Variants in ATP13A3 observed in about 807,000 individuals in gnomAD.
The protein encoded by ATP13A3 is polyamine-transporting ATPase 13A3.
In ATP13A3, 59 loss-of-function variants were observed where a neutral mutation model predicts 158.1. The ratio of observed to expected loss-of-function variants is 0.37; its 90% CI spans 0.30 to 0.46. ATP13A3 has a LOEUF of 0.46. Ranked by LOEUF, ATP13A3 falls within the 20% of genes least tolerant of loss-of-function variation. ATP13A3 has a pLI of 1.00. For missense variants in ATP13A3, 1,166 were observed against 1,525.2 expected, an observed-to-expected ratio of 0.76 and a Z score of 3.92; for synonymous variants, 491 against 504.3, an observed-to-expected ratio of 0.97 and a Z score of 0.35.
chr3:194,437,384 C>T lies in ATP13A3; in HGVS notation c.1926G>A (p.Leu642=). ...TGTAGGCGTCCATTTTCCTATCCCC[C>T]AGCACCCTGGCAACCACACTCATAC... ...LQRMSVVARV[L]GDRKMDAYMK... The change falls in exon 19 of 34, where the codon CTG becomes CTA. Residue 642 remains leucine, a synonymous_variant. Transcript: ENST00000645319. 1.2e-6 allele frequency: 2 copies of T among 1,614,198 alleles called. No homozygotes were observed. Among genetic ancestry groups the T allele is most frequent in the Non-Finnish European group, 1.7e-6 (2 of 1,180,032 alleles).
chr3:194,480,582 TCTC>T (rs1720710619), intron 2 of ATP13A3, among the ~76,000 whole-genome samples: 1 of 152,100 alleles, frequency 6.6e-6, no homozygotes, highest in Non-Finnish European at 1.5e-5. Flanking sequence ...GTACCAATAA[TCTC>T]CTAATATTCT....
chr3:194,482,179 C>A (rs1266735392), intron 2 of ATP13A3, among the ~76,000 whole-genome samples: 2 of 152,008 alleles, frequency 1.3e-5, no homozygotes, highest in East Asian at 3.8e-4. Context: ...TTTAAACTAT[C>A]ATAACAGTGA....
Position 194,448,674 on chromosome 3 carries a change from A to G in ATP13A3, c.971-38T>C. 1 of 1,580,478 alleles carries G rather than the reference A, an allele frequency of 6.3e-7. No individual in the cohort carries two copies. Among genetic ancestry groups the G allele is most frequent in the Non-Finnish European group, 8.6e-7 (1 of 1,164,098 alleles). ...ACAACAACAACAAAAACAGTTTACA[A>G]ATTATTAAACGAAAGCACAGGAATC... On this transcript the variant is annotated intron_variant, in intron 11 of 33. Transcript: ENST00000645319. This position sits in a 1 kb window ranked among gnomAD's most constrained non-coding sequence, Gnocchi z 4.0.
chr3:194,454,899 A>G (rs1719112906), intron 8 of ATP13A3, among the ~76,000 whole-genome samples: 1 of 152,200 alleles, frequency 6.6e-6, no homozygotes, highest in African/African-American at 2.4e-5. Context: ...TTGGCTAAAT[A>G]AGGTTAATTT....
intron 20 of ATP13A3, 92 bp downstream of exon 20, chr3:194,437,003 A>C: frequency 1.4e-6 from 2 of 1,404,466 alleles, no homozygotes; most frequent in Middle Eastern, 3.7e-4. Flanking sequence ...CATACATTCA[A>C]TAAATACTCA....
intron 16 of ATP13A3, 81 bp downstream of exon 16, chr3:194,441,230 G>A (rs1718031317): frequency 8.4e-7 from 1 of 1,196,824 alleles, no homozygotes. Context: ...ACAAAAAGCA[G>A]AAATAATCCT....
intron 31 of ATP13A3, among the ~76,000 whole-genome samples, chr3:194,417,153 A>C (rs1053494262): frequency 1.3e-5 from 2 of 152,196 alleles, no homozygotes; most frequent in Admixed American, 6.5e-5. Context: ...TTAAAAGTTA[A>C]GAAGAAAAGC....
At chr3:194,410,331 A>AAAAACC (rs869283016) in intron 33 of ATP13A3, among the ~76,000 whole-genome samples, 1 of 132,942 alleles carries the variant, frequency 7.5e-6, no homozygotes, top group African/African-American at 2.9e-5. Context: ...AAAAAAAAAA[A>AAAAACC]CTGCTGGGCC....
intron 2 of ATP13A3, among the ~76,000 whole-genome samples, chr3:194,473,910 A>G (rs1348169429): frequency 6.6e-6 from 1 of 152,194 alleles, no homozygotes; most frequent in African/African-American, 2.4e-5. Context: ...TGTCTAATAC[A>G]CTATTTTTAT....
At chr3:194,465,052 T>A (rs1321687891) in intron 2 of ATP13A3, among the ~76,000 whole-genome samples, 1 of 152,316 alleles carries the variant, frequency 6.6e-6, no homozygotes, top group African/African-American at 2.4e-5. Flanking sequence ...AAAGGGATCA[T>A]ATTTGCCCTT....
chr3:194,450,947 T>C (rs1718762671), intron 10 of ATP13A3: 1 of 152,224 alleles, frequency 6.6e-6, no homozygotes, highest in South Asian at 2.1e-4. Flanking sequence ...AAAATGAAAA[T>C]GAAAAGATCT....
chr3:194,454,698 A>G (rs59670007), intron 8 of ATP13A3, among the ~76,000 whole-genome samples: 2,913 of 152,148 alleles, frequency 0.019, 84 homozygotes, highest in African/African-American at 0.06. Context: ...GCATGGTGGC[A>G]GGCGCCTGTA....
intron 2 of ATP13A3, among the ~76,000 whole-genome samples, chr3:194,485,127 A>T (rs1482298204): frequency 6.6e-6 from 1 of 152,158 alleles, no homozygotes; most frequent in Non-Finnish European, 1.5e-5. Flanking sequence ...GACCAAAGCC[A>T]GGCATTGTTG....
At chr3:194,429,840 A>C in intron 26 of ATP13A3, 66 bp from the exon 27 acceptor site, 1 of 1,394,092 alleles carries the variant, frequency 7.2e-7, no homozygotes, top group South Asian at 1.2e-5. Flanking sequence ...CCAAACCACA[A>C]TTTTATCTTG....
Position 194,459,608 on chromosome 3 carries a change from TCTATTA to T in ATP13A3, c.409-73_409-68del, listed in dbSNP as rs1157754350. 2.3e-6 allele frequency: 3 copies of T among 1,300,168 alleles called. No individual in the cohort carries two copies. The African/African-American group carries it at 4.4e-5, about 19-fold the overall frequency. The allele number at this position is 1,300,168 out of a possible 1,614,324, so 80.5% of individuals were successfully genotyped here. On this transcript the variant is annotated intron_variant, in intron 5 of 33. Transcript: ENST00000645319. ...CACTTGTGATATGTAATCTGTTACTTCTATTAACAGCTATATATAGGATTATATATA... is the reference window on the plus strand; with the variant it reads ...CACTTGTGATATGTAATCTGTTACTTACAGCTATATATAGGATTATATATA...
intron 33 of ATP13A3, among the ~76,000 whole-genome samples, chr3:194,406,849 A>T (rs539205671): frequency 3.0e-4 from 45 of 152,340 alleles, no homozygotes; most frequent in Non-Finnish European, 7.3e-5. Context: ...ATCCTTACTA[A>T]TATAAAAAAC....
At chr3:194,463,274 AC>A (rs1190846018) in intron 2 of ATP13A3, among the ~76,000 whole-genome samples, 2 of 148,562 alleles carry the variant, frequency 1.3e-5, no homozygotes, top group Non-Finnish European at 3.0e-5. Context: ...CATTGAGCCC[AC>A]TGACATATTT....
At chr3:194,423,954 C>T (rs1277394990) in intron 30 of ATP13A3, among the ~76,000 whole-genome samples, 2 of 148,554 alleles carry the variant, frequency 1.3e-5, no homozygotes, top group Admixed American at 1.3e-4. Context: ...AAAAAAAAAG[C>T]AATGTTTTTT....
rs1015441430 is a variant in ATP13A3, at chr3:194,441,522, C to A, written c.1560-61G>T. ...TCTAAGATTCAAGATAATATTCTAA[C>A]AGGGCTTTTCTGGTTTTGTAATTAA... is the stretch of plus-strand genomic sequence containing the variant. On this transcript the variant is annotated intron_variant, in intron 15 of 33. Transcript: ENST00000645319. 9.1e-6 allele frequency: 13 copies of A among 1,435,356 alleles called. No individual in the cohort carries two copies. In the African/African-American group the frequency reaches 1.7e-4, roughly 19 times the overall value. The allele number at this position is 1,435,356 out of a possible 1,614,324, so 88.9% of individuals were successfully genotyped here. A position where few individuals can be genotyped will look rare whatever the true frequency, so the allele number is the denominator to read the frequency against.
Sources: gnomAD v4.1 joint callset for allele counts (sites outside exome capture counted in the v4.1 genomes callset) on GRCh38, gnomAD v4.1.1 for gene constraint, Gnocchi (gnomAD v3.1) non-coding constraint, MANE v1.5 for transcripts, NCBI Gene and HGNC (gene_info 2026-07-23, HGNC 2026-07-21) for gene names.